BRINP3: variants seen among roughly 807,000 people sequenced by gnomAD.
The protein encoded by BRINP3 is BMP/retinoic acid inducible neural specific 3.
A neutral mutation model predicts 71.0 loss-of-function variants in BRINP3; 19 were observed. The ratio of observed to expected loss-of-function variants is 0.27; its 90% CI spans 0.19 to 0.39. The LOEUF is 0.39. Among genes scored for constraint, BRINP3 ranks in the 10% least tolerant of loss-of-function variants. BRINP3 has a pLI of 1.00. For synonymous variants in BRINP3, 380 were observed against 337.7 expected (o/e 1.13, Z -1.37); for missense variants, 959 against 940.8 (o/e 1.02, Z -0.25).
At chr1:190,222,578 A>G (rs1210928559) in intron 6 of BRINP3, among the ~76,000 whole-genome samples, 1 of 151,906 alleles carries the variant, frequency 6.6e-6, no homozygotes, top group Non-Finnish European at 1.5e-5. Context: ...GAGACAAAAA[A>G]ATACATAAGA....
At chr1:190,126,912 A>C (rs1654130789) in intron 7 of BRINP3, among the ~76,000 whole-genome samples, 1 of 151,898 alleles carries the variant, frequency 6.6e-6, no homozygotes. Context: ...CATTGGACTG[A>C]TAGAGCAGTG....
intron 2 of BRINP3, among the ~76,000 whole-genome samples, chr1:190,415,524 A>G (rs930399748): frequency 3.0e-4 from 45 of 152,174 alleles, no homozygotes; most frequent in African/African-American, 1.1e-3. Context: ...TTATCTAAAT[A>G]TAATTGTTAC....
In BRINP3 at chr1:190,098,786, A is replaced by T. The variant is rs754205746; in HGVS notation, c.1533T>A (p.His511Gln). Residue 511 changes from histidine (H) to glutamine (Q), a missense_variant, in exon 8 of 8, where the codon CAT (histidine) becomes CAA (glutamine). By Grantham distance (24) the His-to-Gln change is conservative. Coordinates refer to ENST00000367462, the MANE Select transcript of BRINP3 (RefSeq NM_199051.3). Reference sequence around the variant, plus strand: ...GCATGTCATTGCTGATAAAAATGGCATGGACTTCTATTCGTCTGTCCGTTT... The same window carrying T: ...GCATGTCATTGCTGATAAAAATGGCTTGGACTTCTATTCGTCTGTCCGTTT... ...LQKTDRRIEV[H>Q]AIFISNDMRL... 1.9e-6 allele frequency: 3 copies of T among 1,614,184 alleles called. No individual in the cohort carries two copies. The highest frequency in any genetic ancestry group is 2.2e-5 in the South Asian group (2 of 91,092).
intron 4 of BRINP3, among the ~76,000 whole-genome samples, chr1:190,257,599 C>T (rs1660785037): frequency 6.6e-6 from 1 of 152,108 alleles, no homozygotes; most frequent in Non-Finnish European, 1.5e-5. Context: ...CTGGTTTCTC[C>T]CCATCTTTCT....
intron 4 of BRINP3, among the ~76,000 whole-genome samples, chr1:190,250,994 A>G (rs994015692): frequency 2.0e-5 from 3 of 151,956 alleles, no homozygotes; most frequent in African/African-American, 7.2e-5. Flanking sequence ...AGATGGGAGG[A>G]TCTCTTGAGG....
intron 2 of BRINP3, among the ~76,000 whole-genome samples, chr1:190,447,625 T>C (rs1675319650): frequency 6.8e-6 from 1 of 148,064 alleles, no homozygotes; most frequent in African/African-American, 2.5e-5. Flanking sequence ...TCTCTCTCTA[T>C]ATATATATAC....
intron 2 of BRINP3, among the ~76,000 whole-genome samples, chr1:190,354,261 T>C (rs1297236113): frequency 1.3e-5 from 2 of 152,028 alleles, no homozygotes; most frequent in East Asian, 1.9e-4. Context: ...CAATGTTTAA[T>C]GTTTAATTAT....
chr1:190,114,974 T>C (rs765787706), intron 7 of BRINP3, among the ~76,000 whole-genome samples: 5 of 152,204 alleles, frequency 3.3e-5, no homozygotes, highest in Non-Finnish European at 7.3e-5. Context: ...CTATATAAAA[T>C]ATCTGGCCAC....
chr1:190,462,241 T>C (rs1676445340), intron 1 of BRINP3, among the ~76,000 whole-genome samples: 1 of 152,094 alleles, frequency 6.6e-6, no homozygotes, highest in South Asian at 2.1e-4. Context: ...TGTTAAAAAA[T>C]GTTAAGGACA....
chr1:190,258,893 C>T (rs1660917175), intron 4 of BRINP3, among the ~76,000 whole-genome samples: 1 of 152,262 alleles, frequency 6.6e-6, no homozygotes, highest in African/African-American at 2.4e-5. Context: ...AATCTTAGCA[C>T]TTGGGGTGGC....
chr1:190,270,205 T>C (rs1661988365), intron 3 of BRINP3, among the ~76,000 whole-genome samples: 1 of 151,834 alleles, frequency 6.6e-6, no homozygotes, highest in Non-Finnish European at 1.5e-5. Context: ...TTTATGAATA[T>C]TTACCTACAG....
chr1:190,264,806 T>C lies in BRINP3; in HGVS notation c.618+59A>G, dbSNP rs368253546. On this transcript the variant is annotated intron_variant, in intron 4 of 7. Coordinates refer to ENST00000367462, the MANE Select transcript of BRINP3 (RefSeq NM_199051.3). ...ATAAGCAAATACATAAAAATGCCTTTTGGATATAGAGGAAACAAACAATGG... is the reference window on the plus strand; with the variant it reads ...ATAAGCAAATACATAAAAATGCCTTCTGGATATAGAGGAAACAAACAATGG... 1.8e-4 allele frequency: 255 copies of C among 1,424,604 alleles called. 1 individual carries two copies. Among genetic ancestry groups the C allele is most frequent in the Non-Finnish European group, 2.3e-4 (244 of 1,041,776 alleles). 88.2% of individuals were successfully genotyped at this position (1,424,604 alleles called of 1,614,324 possible).
intron 4 of BRINP3, among the ~76,000 whole-genome samples, chr1:190,242,611 T>C (rs1477006409): frequency 6.6e-6 from 1 of 152,118 alleles, no homozygotes; most frequent in Non-Finnish European, 1.5e-5. Context: ...AATAAACCAA[T>C]TTTTTAAAAA....
intron 2 of BRINP3, among the ~76,000 whole-genome samples, chr1:190,364,009 C>T (rs778560079): frequency 6.6e-6 from 1 of 151,684 alleles, no homozygotes; most frequent in Admixed American, 6.6e-5. Context: ...AAATGATATC[C>T]CAAATATTAG....
chr1:190,148,980 TCTAG>T (rs1295377650), intron 7 of BRINP3, among the ~76,000 whole-genome samples: 1 of 152,198 alleles, frequency 6.6e-6, no homozygotes, highest in Non-Finnish European at 1.5e-5. Context: ...GAGTTTGGAC[TCTAG>T]CTCTGCCACC....
chr1:190,164,681 C>CT (rs1174052345), intron 6 of BRINP3, among the ~76,000 whole-genome samples: 2 of 152,002 alleles, frequency 1.3e-5, no homozygotes, highest in African/African-American at 4.8e-5. Context: ...ACCTTGAGCT[C>CT]TTGGGCTCAC....
intron 2 of BRINP3, among the ~76,000 whole-genome samples, chr1:190,426,584 A>C (rs1673722069): frequency 6.6e-6 from 1 of 151,780 alleles, no homozygotes. Context: ...GGGATTTCAG[A>C]TTTTTCAATT....
At chr1:190,417,087 A>C (rs1673054812) in intron 2 of BRINP3, among the ~76,000 whole-genome samples, 1 of 152,186 alleles carries the variant, frequency 6.6e-6, no homozygotes, top group Non-Finnish European at 1.5e-5. Flanking sequence ...ACACCTCAGA[A>C]TTGTGTAGAA....
intron 7 of BRINP3, among the ~76,000 whole-genome samples, chr1:190,101,778 A>G (rs1557967315): frequency 6.6e-6 from 1 of 152,206 alleles, no homozygotes; most frequent in Non-Finnish European, 1.5e-5. Context: ...TCATAAGAAG[A>G]AAACAAAAAA....
Sources: allele counts gnomAD v4.1 joint callset (sites outside exome capture counted in the v4.1 genomes callset), GRCh38; gene constraint gnomAD v4.1.1; transcripts MANE v1.5; gene names NCBI Gene and HGNC (gene_info 2026-07-23, HGNC 2026-07-21).